The following LMBR1 variants were observed in gnomAD, a reference collection of about 807,000 sequenced individuals.
The protein encoded by LMBR1 is limb region 1 protein homolog.
A neutral mutation model predicts 73.9 loss-of-function variants in LMBR1; 52 were observed. The ratio of observed to expected loss-of-function variants is 0.70; its 90% CI spans 0.56 to 0.89. LMBR1 has a LOEUF of 0.89. Ranked by LOEUF, LMBR1 falls within the 40% of genes least tolerant of loss-of-function variation. The pLI, the probability that LMBR1 is intolerant of heterozygous loss-of-function variation, is 0.00. For missense variants in LMBR1, 539 were observed against 579.8 expected (o/e 0.93, Z 0.72); for synonymous variants, 215 against 209.4 (o/e 1.03, Z -0.23).
chr7:156,784,674 GAAAAT>G (rs1369093355), intron 5 of LMBR1, among the ~76,000 whole-genome samples: 1 of 152,182 alleles, frequency 6.6e-6, no homozygotes. Flanking sequence ...TATCCTATGG[GAAAAT>G]AAAATGAAAT....
At chr7:156,747,480 T>C (rs1470313175) in intron 9 of LMBR1, among the ~76,000 whole-genome samples, 1 of 152,160 alleles carries the variant, frequency 6.6e-6, no homozygotes, top group Non-Finnish European at 1.5e-5. Flanking sequence ...GGAGAGGTAC[T>C]AAGTATTTAA....
Position 156,738,912 on chromosome 7 carries a change from C to T in LMBR1, c.758-4655G>A, listed in dbSNP as rs541568304. Among the ~76,000 whole-genome samples, 10 of 152,238 alleles carry T rather than the reference C, an allele frequency of 6.6e-5. No individual in the cohort carries two copies. In the East Asian group the frequency reaches 1.9e-3, roughly 29 times the overall value. On this transcript the variant is annotated intron_variant, in intron 9 of 16. Transcript: ENST00000353442. ...AGCATATTCCCAGCTGTGGTGGCTA[C>T]ACTGAAAGACTCCTTCTGCTTGAGA... is the stretch of plus-strand genomic sequence containing the variant.
chr7:156,846,189 A>G (rs1025549556), intron 1 of LMBR1, among the ~76,000 whole-genome samples: 1 of 152,116 alleles, frequency 6.6e-6, no homozygotes, highest in Non-Finnish European at 1.5e-5. Flanking sequence ...GGAGGATGTC[A>G]CTCAAGCTCA....
At chr7:156,837,786 CTT>C (rs200071206) in intron 1 of LMBR1, among the ~76,000 whole-genome samples, 1 of 135,306 alleles carries the variant, frequency 7.4e-6, no homozygotes, top group Non-Finnish European at 1.6e-5. Flanking sequence ...TTTAATTTTG[CTT>C]TTTTTTTTTT....
intron 1 of LMBR1, among the ~76,000 whole-genome samples, chr7:156,884,022 GA>G (rs1326288075): frequency 6.6e-6 from 1 of 152,202 alleles, no homozygotes; most frequent in Non-Finnish European, 1.5e-5. Context: ...ACCCAGTTTA[GA>G]AAAGTCAAAT....
chr7:156,862,087 C>T (rs1161487270), intron 1 of LMBR1, among the ~76,000 whole-genome samples: 1 of 152,186 alleles, frequency 6.6e-6, no homozygotes, highest in Non-Finnish European at 1.5e-5. Flanking sequence ...CCTGTTTCCA[C>T]GCTGCTGATA....
At chr7:156,855,067 T>TAAAGAGTC (rs1253018182) in intron 1 of LMBR1, among the ~76,000 whole-genome samples, 1 of 152,062 alleles carries the variant, frequency 6.6e-6, no homozygotes, top group Admixed American at 6.5e-5. Flanking sequence ...AATCACAATC[T>TAAAGAGTC]AAAGAGTCAA....
At chr7:156,734,284 G>A (rs1206507625) in intron 9 of LMBR1, 27 bp from the exon 10 acceptor site, 2 of 1,509,630 alleles carry the variant, frequency 1.3e-6, no homozygotes, top group Non-Finnish European at 1.8e-6. Flanking sequence ...ATATTTAGAA[G>A]TAAAACAGAA....
rs1292573335 is a variant in LMBR1 at position 156,685,484 on chromosome 7, C to T, written c.1388-1321G>A. Among the ~76,000 whole-genome samples the T allele has an allele frequency of 1.3e-5, 2 of 152,234 alleles. No homozygotes were observed. The highest frequency in any genetic ancestry group is 4.8e-5 in the African/African-American group (2 of 41,460). On this transcript the variant is annotated intron_variant, in intron 16 of 16. Coordinates refer to ENST00000353442, the MANE Select transcript of LMBR1 (RefSeq NM_022458.4). This position sits in a 1 kb window ranked among gnomAD's most constrained non-coding sequence, Gnocchi z 4.1. Reference sequence around the variant, plus strand: ...CCATCCCTAGGCTGCAGGGTGTGGCCGGCTGCTCCTCAGTTACCAAGCAGA... The same window carrying T: ...CCATCCCTAGGCTGCAGGGTGTGGCTGGCTGCTCCTCAGTTACCAAGCAGA...
At chr7:156,835,709 A>AAAAC (rs1416101393) in intron 2 of LMBR1, among the ~76,000 whole-genome samples, 1 of 152,086 alleles carries the variant, frequency 6.6e-6, no homozygotes, top group Non-Finnish European at 1.5e-5. Flanking sequence ...AAAAAAAAAA[A>AAAAC]AAAACATCAA....
intron 5 of LMBR1, among the ~76,000 whole-genome samples, chr7:156,778,228 T>A (rs370696972): frequency 3.1e-4 from 47 of 152,370 alleles, no homozygotes; most frequent in African/African-American, 1.1e-3. Context: ...AAAAGAAATC[T>A]GCTCATTTCT....
intron 10 of LMBR1, 85 bp from the exon 11 acceptor site, chr7:156,728,805 A>T: frequency 1.1e-6 from 1 of 943,782 alleles, no homozygotes; most frequent in Non-Finnish European, 1.6e-6. Context: ...TTTTATACAT[A>T]ATTTCTTTTT....
chr7:156,745,482 G>A (rs2132649060), intron 9 of LMBR1, among the ~76,000 whole-genome samples: 1 of 152,282 alleles, frequency 6.6e-6, no homozygotes, highest in South Asian at 2.1e-4. Context: ...GTTCCTAGGG[G>A]CTAGGGACCA....
intron 5 of LMBR1, among the ~76,000 whole-genome samples, chr7:156,790,365 G>C (rs1585808328): frequency 6.6e-6 from 1 of 151,986 alleles, no homozygotes; most frequent in South Asian, 2.1e-4. Context: ...TGGTAGACAG[G>C]TACTGTTAGA....
chr7:156,887,005 TTAGC>T (rs1272382559), intron 1 of LMBR1, among the ~76,000 whole-genome samples: 1 of 152,144 alleles, frequency 6.6e-6, no homozygotes, highest in Non-Finnish European at 1.5e-5. Context: ...GTATACTCAG[TTAGC>T]TGGCAGCCTT....
intron 4 of LMBR1, among the ~76,000 whole-genome samples, chr7:156,800,371 C>T (rs1304661904): frequency 1.3e-5 from 2 of 150,060 alleles, no homozygotes; most frequent in Non-Finnish European, 2.9e-5. Flanking sequence ...ATCCTAAGCC[C>T]ATTCTGCCTG....
downstream of LMBR1, among the ~76,000 whole-genome samples, chr7:156,672,800 T>C (rs549917858): frequency 2.3e-4 from 35 of 152,372 alleles, no homozygotes; most frequent in South Asian, 6.6e-3. Context: ...CGCACAGCGA[T>C]ACCCATGCTT....
At position 156,796,433 on chromosome 7, in the gene LMBR1, CA is replaced by C; in HGVS notation, c.378del (p.Phe126LeufsTer14). 1 of 1,607,368 alleles carries C rather than the reference CA, an allele frequency of 6.2e-7. No individual in the cohort carries two copies. The highest frequency in any genetic ancestry group is 1.1e-5 in the South Asian group (1 of 89,512). On this transcript the variant is annotated frameshift_variant, in exon 5 of 17. Coordinates refer to ENST00000353442, the MANE Select transcript of LMBR1 (RefSeq NM_022458.4). LOFTEE classifies it high-confidence loss of function. The stretch of plus-strand genomic sequence containing the variant: ...CCTTCTGATTCCAGAAAGAAAAAGG[CA>C]AAGGGCATCAATACAAATAAACAAA... ...SNLCLFVLMPFAFFFLESEGF... is the reference protein window; with the variant it reads ...SNLCLFVLMPXAFFFLESEGF...
intron 15 of LMBR1, among the ~76,000 whole-genome samples, chr7:156,719,476 A>G (rs1162307311): frequency 6.6e-6 from 1 of 152,198 alleles, no homozygotes; most frequent in African/African-American, 2.4e-5. Context: ...ATGGAAAAAC[A>G]TTCCATGCTC....
Sources: gnomAD v4.1 joint callset for allele counts (sites outside exome capture counted in the v4.1 genomes callset) on GRCh38, gnomAD v4.1.1 for gene constraint, Gnocchi (gnomAD v3.1) non-coding constraint, MANE v1.5 for transcripts, NCBI Gene and HGNC (gene_info 2026-07-23, HGNC 2026-07-21) for gene names.